The following CLASP1 variants were observed in gnomAD, a reference collection of about 807,000 sequenced individuals.
CLASP1 encodes the protein CLIP-associating protein 1.
Under a neutral mutation model 192.3 loss-of-function variants are expected in CLASP1, and 38 were observed. The observed-to-expected ratio is 0.20, with a 90% CI of 0.15 to 0.26. The LOEUF (loss-of-function observed/expected upper bound fraction) is 0.26. Among genes scored for constraint, CLASP1 ranks in the 10% least tolerant of loss-of-function variants. The probability of loss-of-function intolerance (pLI) is 1.00; values close to 1 mark genes in which losing one functional copy is unlikely to be tolerated. For missense variants in CLASP1, 1,433 were observed against 1,932.5 expected (o/e 0.74, Z 4.85); for synonymous variants, 691 against 712.8 (o/e 0.97, Z 0.49).
chr2:121,527,392 A>G (rs1022319653), intron 5 of CLASP1, among the ~76,000 whole-genome samples: 4 of 152,240 alleles, frequency 2.6e-5, no homozygotes, highest in African/African-American at 9.6e-5. Context: ...TACATATTGT[A>G]TAATTCCATT....
chr2:121,602,319 G>C (rs769718273), intron 2 of CLASP1, among the ~76,000 whole-genome samples: 1 of 151,692 alleles, frequency 6.6e-6, no homozygotes, highest in East Asian at 1.9e-4. Flanking sequence ...AACTGAAGAG[G>C]ATACAAACAA....
intron 8 of CLASP1, among the ~76,000 whole-genome samples, chr2:121,485,870 G>C (rs2092940103): frequency 6.6e-6 from 1 of 152,134 alleles, no homozygotes; most frequent in South Asian, 2.1e-4. Context: ...ATTCAGAGGT[G>C]AACACAGCAG....
chr2:121,380,195 A>C (rs1428627205), intron 33 of CLASP1, among the ~76,000 whole-genome samples: 1 of 152,210 alleles, frequency 6.6e-6, no homozygotes, highest in Non-Finnish European at 1.5e-5. Context: ...TTCCCATGGA[A>C]GCCATCATCA....
intron 2 of CLASP1, among the ~76,000 whole-genome samples, chr2:121,593,155 G>A (rs1293598612): frequency 1.3e-5 from 2 of 152,182 alleles, no homozygotes; most frequent in African/African-American, 2.4e-5. Context: ...CTCCCGATGT[G>A]AGGCACTGAG....
intron 1 of CLASP1, among the ~76,000 whole-genome samples, chr2:121,627,379 T>C (rs2068582719): frequency 6.6e-6 from 1 of 152,246 alleles, no homozygotes; most frequent in Non-Finnish European, 1.5e-5. Context: ...GAGTACTTAA[T>C]GTACCAGGCA....
chr2:121,594,110 C>G (rs1468647282), intron 2 of CLASP1, among the ~76,000 whole-genome samples: 1 of 151,816 alleles, frequency 6.6e-6, no homozygotes, highest in Non-Finnish European at 1.5e-5. Context: ...ACCATTCTGG[C>G]TAACACGGTG....
intron 19 of CLASP1, among the ~76,000 whole-genome samples, chr2:121,437,019 C>A (rs553407572): frequency 1.3e-5 from 2 of 151,990 alleles, no homozygotes; most frequent in African/African-American, 4.8e-5. Context: ...TGGAGTACAG[C>A]GGTTATGATC....
At chr2:121,491,538 T>C (rs534045201) in intron 8 of CLASP1, among the ~76,000 whole-genome samples, 15 of 152,218 alleles carry the variant, frequency 9.9e-5, no homozygotes, top group Non-Finnish European at 2.1e-4. Context: ...CCCATGAGCA[T>C]AAGCACATCT....
intron 37 of CLASP1, among the ~76,000 whole-genome samples, chr2:121,355,794 A>G (rs902113176): frequency 5.3e-5 from 8 of 152,226 alleles, no homozygotes; most frequent in African/African-American, 1.9e-4. Context: ...AGAAGTGGCA[A>G]GGATTTAGAA....
intron 2 of CLASP1, among the ~76,000 whole-genome samples, chr2:121,559,848 T>C (rs929870348): frequency 6.6e-5 from 10 of 152,188 alleles, no homozygotes; most frequent in African/African-American, 2.4e-4. Context: ...TAACTCATGA[T>C]ATATAAATTA....
chr2:121,362,360 C>A (rs1345988292), intron 37 of CLASP1, among the ~76,000 whole-genome samples: 2 of 151,750 alleles, frequency 1.3e-5, no homozygotes, highest in African/African-American at 4.8e-5. Context: ...AGGGGCTGGA[C>A]AATCCAATAA....
intron 2 of CLASP1, among the ~76,000 whole-genome samples, chr2:121,556,343 T>C (rs1251468701): frequency 6.6e-6 from 1 of 152,008 alleles, no homozygotes; most frequent in Non-Finnish European, 1.5e-5. Context: ...TTCAACACCA[T>C]CCAAGGGCTC....
At chr2:121,509,978 CT>C (rs1419726347) in intron 7 of CLASP1, among the ~76,000 whole-genome samples, 2 of 151,902 alleles carry the variant, frequency 1.3e-5, no homozygotes, top group African/African-American at 4.8e-5. Context: ...TCAAACACTC[CT>C]AAGTAACAAA....
chr2:121,618,792 T>C (rs1308656683), intron 1 of CLASP1, among the ~76,000 whole-genome samples: 1 of 152,154 alleles, frequency 6.6e-6, no homozygotes, highest in Non-Finnish European at 1.5e-5. Context: ...ACTAAGAAGA[T>C]GAAATAATTC....
chr2:121,522,781 G>A (rs1249618485), intron 6 of CLASP1, among the ~76,000 whole-genome samples: 2 of 152,148 alleles, frequency 1.3e-5, no homozygotes, highest in Non-Finnish European at 2.9e-5. Flanking sequence ...GTATGGCTAT[G>A]TCAATATCAC....
chr2:121,525,176 ACT>A (rs1006179632), intron 6 of CLASP1, among the ~76,000 whole-genome samples: 2 of 151,988 alleles, frequency 1.3e-5, no homozygotes, highest in African/African-American at 4.8e-5. Context: ...AATAAAAATG[ACT>A]CTGGTTGAGA....
At chr2:121,454,501 G>A (rs976194613) in intron 14 of CLASP1, among the ~76,000 whole-genome samples, 6 of 152,026 alleles carry the variant, frequency 3.9e-5, no homozygotes, top group South Asian at 2.1e-4. Context: ...AAGAATAATC[G>A]TCTTGGGCCA....
At chr2:121,452,616 C>A (rs1416502284) in intron 14 of CLASP1, among the ~76,000 whole-genome samples, 1 of 152,062 alleles carries the variant, frequency 6.6e-6, no homozygotes, top group African/African-American at 2.4e-5. Context: ...CATGGTGAAA[C>A]CCCATCTCTA....
intron 22 of CLASP1, 130 bp downstream of exon 22, chr2:121,425,009 A>C (rs933224808): frequency 3.3e-6 from 3 of 919,502 alleles, no homozygotes; most frequent in Non-Finnish European, 4.9e-6. Context: ...TATAAAGCAC[A>C]CCCAGGCAAA....
Sources: gnomAD v4.1 joint callset for allele counts (sites outside exome capture counted in the v4.1 genomes callset) on GRCh38, gnomAD v4.1.1 for gene constraint, MANE v1.5 for transcripts, NCBI Gene and HGNC (gene_info 2026-07-23, HGNC 2026-07-21) for gene names.